Variants in ATP7B observed in about 807,000 individuals in gnomAD.
The protein encoded by ATP7B is ATPase copper transporting beta.
ATP7B carries 113 observed loss-of-function variants against 118.9 expected under a neutral mutation model. The observed-to-expected ratio is 0.95, with a 90% CI of 0.82 to 1.11. The LOEUF (loss-of-function observed/expected upper bound fraction) is 1.11. Among genes scored for constraint, ATP7B ranks in the 50% most tolerant of loss-of-function variants. The probability of loss-of-function intolerance (pLI) is 0.00; values close to 1 mark genes in which losing one functional copy is unlikely to be tolerated. For synonymous variants in ATP7B, 777 were observed against 727.4 expected (o/e 1.07, Z -1.10); for missense variants, 1,867 against 1,871.4 (o/e 1.00, Z 0.04).
intron 2 of ATP7B, 95 bp from the exon 3 acceptor site, chr13:51,970,844 T>C: frequency 7.8e-7 from 1 of 1,283,882 alleles, no homozygotes; most frequent in Non-Finnish European, 1.1e-6. Flanking sequence ...GGGTTCATTG[T>C]CCCGGCTCCC....
At chr13:51,951,389 G>A (rs1957996153) in intron 9 of ATP7B, among the ~76,000 whole-genome samples, 1 of 151,572 alleles carries the variant, frequency 6.6e-6, no homozygotes, top group Non-Finnish European at 1.5e-5. Flanking sequence ...GGGAGGGGAT[G>A]GAGAGAAATG....
chr13:51,994,420 C>T (rs1421262538), intron 1 of ATP7B, among the ~76,000 whole-genome samples: 1 of 152,078 alleles, frequency 6.6e-6, no homozygotes, highest in Non-Finnish European at 1.5e-5. Flanking sequence ...TTTAAATTTG[C>T]CTAGGAAAAA....
rs762875224 is a variant in ATP7B, at chr13:51,949,735, A to G, written c.2792T>C (p.Met931Thr). 1.5e-5 allele frequency: 24 copies of G among 1,614,050 alleles called. No homozygotes were observed. The South Asian group carries it at 2.5e-4, about 17-fold the overall frequency. Reference sequence around the variant, plus strand: ...CCATACCACCAACGTCAAAGTTGACATGATGATGATAAATGGGACAAAATA... The same window carrying G: ...CCATACCACCAACGTCAAAGTTGACGTGATGATGATAAATGGGACAAAATA... ...SGYFVPFIII[M>T]STLTLVVWIV... Residue 931 changes from methionine (M) to threonine (T), a missense_variant, in exon 12 of 21, where the codon ATG becomes ACG. Met to Thr is a moderately conservative substitution (Grantham distance 81, BLOSUM62 -1). Coordinates refer to ENST00000242839, the MANE Select transcript of ATP7B (RefSeq NM_000053.4).
At chr13:52,007,848 T>C (rs544729608) in intron 1 of ATP7B, among the ~76,000 whole-genome samples, 43 of 152,228 alleles carry the variant, frequency 2.8e-4, no homozygotes, top group African/African-American at 9.9e-4. Context: ...TATCACCAGT[T>C]TATTATACAA....
chr13:51,942,584 A>T (rs781332476), intron 14 of ATP7B, 30 bp from the exon 15 acceptor site: 196 of 1,613,250 alleles, frequency 1.2e-4, no homozygotes, highest in Non-Finnish European at 1.6e-4. Flanking sequence ...GGAAGAGGAA[A>T]CTGTAAGCCA....
chr13:51,955,986 T>A (rs1006654492), intron 9 of ATP7B, among the ~76,000 whole-genome samples: 2 of 152,182 alleles, frequency 1.3e-5, no homozygotes, highest in African/African-American at 4.8e-5. Context: ...TCCACCTCAC[T>A]GCACTTGGCT....
intron 19 of ATP7B, among the ~76,000 whole-genome samples, chr13:51,937,053 T>A (rs1206522690): frequency 6.6e-6 from 1 of 151,748 alleles, no homozygotes; most frequent in Non-Finnish European, 1.5e-5. Flanking sequence ...GCATCTCCAC[T>A]AGCTTTTTAG....
In ATP7B at chr13:51,946,372, G is replaced by A. The variant is rs41292782; in HGVS notation, c.2972C>T (p.Thr991Met). 5,189 of 1,613,596 alleles carry A rather than the reference G, an allele frequency of 3.2e-3. 12 individuals carry two copies. The highest frequency in any genetic ancestry group is 4.2e-3 in the Non-Finnish European group (4,986 of 1,179,932). Residue 991 changes from threonine (T) to methionine (M), a missense_variant, in exon 13 of 21, where the codon ACG (threonine) becomes ATG (methionine). Transcript: ENST00000242839. The stretch of plus-strand genomic sequence containing the variant: ...GGTGCCCACCATGACAGCCGTGGGC[G>A]TGGCCAGCCCCAGGGAGCAGGGGCA... ...IACPCSLGLA[T>M]PTAVMVGTGV...
chr13:51,963,369 T>C lies in ATP7B; in HGVS notation c.1870-1456A>G, dbSNP rs572752729. Among the ~76,000 whole-genome samples, 12 of 152,196 alleles carry C rather than the reference T, an allele frequency of 7.9e-5. No homozygotes were observed. The South Asian group carries it at 2.3e-3, about 29-fold the overall frequency. The stretch of plus-strand genomic sequence containing the variant: ...TCTCTGAGCATCTTTCCTCAGCTGA[T>C]AAAAAAGCTATGCTGTCTGCCTCCA... On this transcript the variant is annotated intron_variant, in intron 5 of 20. Transcript: ENST00000242839.
intron 4 of ATP7B, among the ~76,000 whole-genome samples, chr13:51,967,653 T>C (rs1026225445): frequency 6.6e-6 from 1 of 152,214 alleles, no homozygotes; most frequent in Non-Finnish European, 1.5e-5. Context: ...GTGTCCTCAG[T>C]GCTTTCCCCT....
At chr13:51,965,589 G>A (rs759718244) in intron 4 of ATP7B, among the ~76,000 whole-genome samples, 55 of 152,118 alleles carry the variant, frequency 3.6e-4, no homozygotes, top group Non-Finnish European at 5.6e-4. Flanking sequence ...TGGTCCCAAG[G>A]TACAAATAGG....
chr13:51,948,185 G>A (rs1457351457), intron 12 of ATP7B, among the ~76,000 whole-genome samples: 1 of 152,110 alleles, frequency 6.6e-6, no homozygotes, highest in Non-Finnish European at 1.5e-5. Context: ...AATGACATGT[G>A]TCCTGAGAAT....
rs114965155 is a variant in ATP7B, at chr13:51,997,451, C to T, written c.51+13836G>A. ...ATGTTGGGATCATATGTCCCACATGCTTTTAAATAATCTATTCTGTTAGCT... is the reference window on the plus strand; with the variant it reads ...ATGTTGGGATCATATGTCCCACATGTTTTTAAATAATCTATTCTGTTAGCT... On this transcript the variant is annotated intron_variant, in intron 1 of 20. Transcript: ENST00000242839. Among the ~76,000 whole-genome samples the T allele has an allele frequency of 3.8e-3, 583 of 152,266 alleles. 5 individuals carry two copies. The highest frequency in any genetic ancestry group is 0.014 in the African/African-American group (570 of 41,532).
At chr13:51,960,440 AC>A in intron 6 of ATP7B, 118 bp from the exon 7 acceptor site, 2 of 1,265,148 alleles carry the variant, frequency 1.6e-6, no homozygotes, top group Non-Finnish European at 2.2e-6. Context: ...TCTGGGACAG[AC>A]CACCAGGGGT....
At chr13:52,009,125 C>T (rs1168344120) in intron 1 of ATP7B, among the ~76,000 whole-genome samples, 1 of 152,116 alleles carries the variant, frequency 6.6e-6, no homozygotes, top group African/African-American at 2.4e-5. Flanking sequence ...GCTTTATTTT[C>T]TTCATAGTAC....
At chr13:51,989,777 T>G (rs1333748519) in intron 1 of ATP7B, among the ~76,000 whole-genome samples, 1 of 152,212 alleles carries the variant, frequency 6.6e-6, no homozygotes, top group African/African-American at 2.4e-5. Flanking sequence ...ATGTCTATTG[T>G]AACAATTATT....
At position 52,011,383 on chromosome 13, in the gene ATP7B, A is replaced by G; in HGVS notation, c.-46T>C. ...TTCTTCTCTGATCTGGCTCAGAGCA[A>G]AAGGTCACCTGGTCGGTGGAGGAGA... On this transcript the variant is annotated 5_prime_UTR_variant, in exon 1 of 21. Transcript: ENST00000242839. 3.1e-6 allele frequency: 5 copies of G among 1,613,026 alleles called. No homozygotes were observed. Among genetic ancestry groups the G allele is most frequent in the Non-Finnish European group, 4.2e-6 (5 of 1,178,958 alleles).
At chr13:52,002,986 G>C (rs1396111750) in intron 1 of ATP7B, among the ~76,000 whole-genome samples, 3 of 152,202 alleles carry the variant, frequency 2.0e-5, no homozygotes, top group Non-Finnish European at 4.4e-5. Context: ...CTCTGGACTA[G>C]GCTTTGGCTT....
chr13:51,965,285 G>C (rs1951489757), intron 4 of ATP7B, among the ~76,000 whole-genome samples: 1 of 152,208 alleles, frequency 6.6e-6, no homozygotes, highest in African/African-American at 2.4e-5. Flanking sequence ...GATGGCAACA[G>C]ACCAAGGCTT....
Sources: allele counts gnomAD v4.1 joint callset (sites outside exome capture counted in the v4.1 genomes callset), GRCh38; gene constraint gnomAD v4.1.1; transcripts MANE v1.5; gene names NCBI Gene and HGNC (gene_info 2026-07-23, HGNC 2026-07-21).